Variants in CCR6 observed in about 807,000 individuals in gnomAD.
CCR6 encodes C-C chemokine receptor type 6.
Under a neutral mutation model 3.0 loss-of-function variants are expected in CCR6, and 2 were observed. The ratio of observed to expected loss-of-function variants is 0.66; its 90% CI spans 0.27 to 2.07. The LOEUF (loss-of-function observed/expected upper bound fraction) is 2.07, where lower values mean the gene tolerates loss of function less well. CCR6 is among the 30% of genes most tolerant of loss of function. The pLI, the probability that CCR6 is intolerant of heterozygous loss-of-function variation, is 0.14. For missense variants in CCR6, 322 were observed against 462.8 expected, an observed-to-expected ratio of 0.70 and a Z score of 2.79; for synonymous variants, 193 against 184.3, an observed-to-expected ratio of 1.05 and a Z score of -0.38.
Position 167,136,396 on chromosome 6 carries a change from A to T in CCR6, c.166A>T (p.Ile56Phe). 1.2e-6 allele frequency: 2 copies of T among 1,614,014 alleles called. No individual in the cohort carries two copies. The highest frequency in any genetic ancestry group is 8.5e-7 in the Non-Finnish European group (1 of 1,180,014). Residue 56 changes from isoleucine (I) to phenylalanine (F), a missense_variant, in exon 3 of 3, where the codon ATC (isoleucine) becomes TTC (phenylalanine). By Grantham distance (21) the Ile-to-Phe change is conservative. Coordinates refer to ENST00000341935, the MANE Select transcript of CCR6 (RefSeq NM_031409.4). The surrounding 1 kb of genome is among the most constrained non-coding windows in gnomAD (Gnocchi z 4.6). Reference protein sequence around the residue: ...RLFVPIAYSLICVFGLLGNIL... With the variant: ...RLFVPIAYSLFCVFGLLGNIL... Reference sequence around the variant, plus strand: ...ATTTGTACCGATTGCCTACTCCTTGATCTGTGTCTTTGGCCTCCTGGGGAA... The same window carrying T: ...ATTTGTACCGATTGCCTACTCCTTGTTCTGTGTCTTTGGCCTCCTGGGGAA...
chr6:167,119,927 G>T (rs73023528), upstream of CCR6, among the ~76,000 whole-genome samples: 1,364 of 152,310 alleles, frequency 9.0e-3, 6 homozygotes, highest in Non-Finnish European at 0.013. Flanking sequence ...CTCAGCACCT[G>T]TGCTAACTCT....
intron 1 of CCR6, chr6:167,115,521 T>C (rs1052995472): frequency 2.0e-5 from 3 of 152,214 alleles, no homozygotes; most frequent in Non-Finnish European, 4.4e-5. Context: ...AAAAACCTAG[T>C]GTCTTTTCCC....
chr6:167,112,511 A>G (rs921574056), intron 1 of CCR6, among the ~76,000 whole-genome samples: 7 of 152,222 alleles, frequency 4.6e-5, no homozygotes, highest in Non-Finnish European at 1.0e-4. Flanking sequence ...AGTCATCTCT[A>G]TGAGCCATAA....
At chr6:167,117,503 G>A (rs1192934721) in intron 1 of CCR6, among the ~76,000 whole-genome samples, 3 of 130,398 alleles carry the variant, frequency 2.3e-5, no homozygotes, top group Admixed American at 1.9e-4. Context: ...TGCAAGCTCC[G>A]CCTCCCGGGT....
intron 1 of CCR6, among the ~76,000 whole-genome samples, chr6:167,134,076 AGTGT>A (rs1168919850): frequency 2.0e-5 from 3 of 151,552 alleles, no homozygotes; most frequent in Admixed American, 6.6e-5. Context: ...GCTTAGAAAG[AGTGT>A]GTATCATTTC....
intron 1 of CCR6, 43 bp from the exon 2 acceptor site, chr6:167,135,995 A>G: frequency 1.2e-6 from 1 of 843,498 alleles, no homozygotes; most frequent in South Asian, 1.7e-5. Context: ...CTCCAGGAAT[A>G]CCTGTGTTAA....
At chr6:167,130,254 A>G (rs1234016209) in intron 1 of CCR6, among the ~76,000 whole-genome samples, 1 of 151,784 alleles carries the variant, frequency 6.6e-6, no homozygotes. Flanking sequence ...TCACTGGTTC[A>G]CCAAGAACTG....
At chr6:167,113,004 G>A (rs1781438837) in intron 1 of CCR6, among the ~76,000 whole-genome samples, 1 of 151,698 alleles carries the variant, frequency 6.6e-6, no homozygotes, top group Non-Finnish European at 1.5e-5. Context: ...ACAATACTGC[G>A]ATTCCATTTG....
At chr6:167,131,491 T>G (rs959341631) in intron 1 of CCR6, 1 of 152,436 alleles carries the variant, frequency 6.6e-6, no homozygotes, top group Middle Eastern at 3.4e-3. Flanking sequence ...CCAGCCCCAC[T>G]CACCTGGGAA....
In CCR6 at chr6:167,138,379, A is replaced by G. The variant is rs1781882515; in HGVS notation, c.*1024A>G. 6.6e-6 allele frequency: 1 copy of G among 151,466 alleles called. No homozygotes were observed. Among genetic ancestry groups the G allele is most frequent in the Non-Finnish European group, 1.5e-5 (1 of 67,982 alleles). The allele number at this position is 151,466 out of a possible 1,614,324, so 9.4% of individuals were successfully genotyped here. Reference sequence around the variant, plus strand: ...AAAGAAGTTTTGTTCCGTTTCTTTAATGTGGTTGAAGAGCAATGTGTGGCT... The same window carrying G: ...AAAGAAGTTTTGTTCCGTTTCTTTAGTGTGGTTGAAGAGCAATGTGTGGCT... On this transcript the variant is annotated 3_prime_UTR_variant, in exon 3 of 3. Transcript: ENST00000341935.
intron 1 of CCR6, among the ~76,000 whole-genome samples, chr6:167,135,786 A>C (rs887265375): frequency 3.3e-5 from 5 of 152,232 alleles, no homozygotes; most frequent in African/African-American, 1.2e-4. Context: ...GTAATTGTAG[A>C]TGCTTTCAAG....
upstream of CCR6, among the ~76,000 whole-genome samples, chr6:167,118,122 A>C (rs1027591338): frequency 1.8e-4 from 27 of 152,074 alleles, no homozygotes; most frequent in African/African-American, 6.0e-4. Flanking sequence ...TCTCCATGCA[A>C]GACCGTTCCT....
intron 1 of CCR6, chr6:167,115,677 A>C (rs1246339083): frequency 6.6e-6 from 1 of 152,270 alleles, no homozygotes; most frequent in Non-Finnish European, 1.5e-5. Flanking sequence ...AGTGAAAATT[A>C]GTGATATCCA....
In CCR6 at chr6:167,136,950, C is replaced by G; in HGVS notation, c.720C>G (p.Thr240=). The change falls in exon 3 of 3, where the codon ACC becomes ACG. Residue 240 remains threonine (T), a synonymous_variant. Coordinates refer to ENST00000341935, the MANE Select transcript of CCR6 (RefSeq NM_031409.4). This position sits in a 1 kb window ranked among gnomAD's most constrained non-coding sequence, Gnocchi z 4.6. ...MIFCYTFIVK[T]LVQAQNSKRH... ...TTTGTTACACGTTCATTGTCAAAAC[C>G]TTGGTGCAAGCTCAGAATTCTAAAA... is the stretch of plus-strand genomic sequence containing the variant. 6.2e-7 allele frequency: 1 copy of G among 1,614,138 alleles called. No homozygotes were observed. Among genetic ancestry groups the G allele is most frequent in the Non-Finnish European group, 8.5e-7 (1 of 1,180,030 alleles).
chr6:167,116,360 C>T (rs937264973), intron 1 of CCR6, among the ~76,000 whole-genome samples: 1 of 152,222 alleles, frequency 6.6e-6, no homozygotes, highest in African/African-American at 2.4e-5. Context: ...TCCAGCACCC[C>T]CGACGCTTTC....
chr6:167,112,440 G>A (rs1439470933), intron 1 of CCR6, among the ~76,000 whole-genome samples: 2 of 152,132 alleles, frequency 1.3e-5, no homozygotes, highest in African/African-American at 2.4e-5. Context: ...ACTAGCACTC[G>A]AGAAAGAAGT....
At chr6:167,130,988 G>A (rs1781751214) in intron 1 of CCR6, among the ~76,000 whole-genome samples, 1 of 118,068 alleles carries the variant, frequency 8.5e-6, no homozygotes, top group African/African-American at 4.1e-5. Flanking sequence ...CCTCCCTCTG[G>A]ACCCCCTCCC....
At chr6:167,133,686 G>A (rs1471863972) in intron 1 of CCR6, among the ~76,000 whole-genome samples, 3 of 150,822 alleles carry the variant, frequency 2.0e-5, no homozygotes, top group Non-Finnish European at 4.4e-5. Context: ...TCTACAGATC[G>A]ATTTGGGGAG....
Position 167,136,677 on chromosome 6 carries a change from G to A in CCR6, c.447G>A (p.Gln149=), listed in dbSNP as rs139286851. The A allele has an allele frequency of 6.1e-5, 98 of 1,614,040 alleles. No homozygotes were observed. Among genetic ancestry groups the A allele is most frequent in the Non-Finnish European group, 7.5e-5 (89 of 1,180,050 alleles). Residue 149 remains glutamine (Q), a synonymous_variant, in exon 3 of 3, where the codon CAG becomes CAA. Transcript: ENST00000341935. The surrounding 1 kb of genome is among the most constrained non-coding windows in gnomAD (Gnocchi z 4.6). ...TGGACCGGTACATCGCCATTGTACAGGCGACTAAGTCATTCCGGCTCCGAT... is the reference window on the plus strand; with the variant it reads ...TGGACCGGTACATCGCCATTGTACAAGCGACTAAGTCATTCCGGCTCCGAT... ...ISMDRYIAIV[Q]ATKSFRLRSR...
Sources: gnomAD v4.1 joint callset for allele counts (sites outside exome capture counted in the v4.1 genomes callset) on GRCh38, gnomAD v4.1.1 for gene constraint, Gnocchi (gnomAD v3.1) non-coding constraint, MANE v1.5 for transcripts, NCBI Gene and HGNC (gene_info 2026-07-23, HGNC 2026-07-21) for gene names.